The following ALS2 variants were observed in gnomAD, a reference collection of about 807,000 sequenced individuals.
The protein encoded by ALS2 is alsin Rho guanine nucleotide exchange factor ALS2.
Under a neutral mutation model 203.4 loss-of-function variants are expected in ALS2, and 117 were observed. The ratio of observed to expected loss-of-function variants is 0.58; its 90% CI spans 0.50 to 0.67. The LOEUF is 0.67. Ranked by LOEUF, ALS2 falls within the 30% of genes least tolerant of loss-of-function variation. The pLI is 0.00. For missense variants in ALS2, 1,715 were observed against 1,989.4 expected (o/e 0.86, Z 2.62); for synonymous variants, 718 against 725.9 (o/e 0.99, Z 0.17).
At chr2:201,730,505 T>C (rs1691488732) in intron 13 of ALS2, among the ~76,000 whole-genome samples, 1 of 152,242 alleles carries the variant, frequency 6.6e-6, no homozygotes, top group East Asian at 1.9e-4. Context: ...TGAGATTTTA[T>C]TATTGGCAAC....
intron 23 of ALS2, among the ~76,000 whole-genome samples, chr2:201,721,132 A>G (rs766443020): frequency 1.3e-4 from 20 of 152,242 alleles, no homozygotes; most frequent in Admixed American, 2.6e-4. Flanking sequence ...AGATGTGTAC[A>G]CTGAAACCTG....
chr2:201,766,763 T>TA (rs1334428873), intron 3 of ALS2, among the ~76,000 whole-genome samples: 1 of 137,004 alleles, frequency 7.3e-6, no homozygotes, highest in East Asian at 2.1e-4. Context: ...TATGCAGCCA[T>TA]AAAAAATGAT....
Position 201,727,078 on chromosome 2 carries a change from T to G in ALS2, c.2979+134A>C, listed in dbSNP as rs553610315. The G allele has an allele frequency of 1.5e-4, 148 of 975,122 alleles. 1 individual carries two copies. In the South Asian group the frequency reaches 2.0e-3, roughly 13 times the overall value. 60.4% of individuals were successfully genotyped at this position (975,122 alleles called of 1,614,324 possible). On this transcript the variant is annotated intron_variant, in intron 17 of 33. Transcript: ENST00000264276. ...AAAAACAATGAAGAACCTACAGTTT[T>G]GGGTTAATGAAGATTTATCAGACAG...
chr2:201,767,567 A>G lies in ALS2; in HGVS notation c.21-184T>C, dbSNP rs1322256196. Among the ~76,000 whole-genome samples, 7 of 152,198 alleles carry G rather than the reference A, an allele frequency of 4.6e-5. No individual in the cohort carries two copies. The East Asian group carries it at 7.7e-4, about 17-fold the overall frequency. Reference sequence around the variant, plus strand: ...GCCAAGGTAAAACAACTATTTATATAAAAGACTGAAGGATGTGGGGCGTGG... The same window carrying G: ...GCCAAGGTAAAACAACTATTTATATGAAAGACTGAAGGATGTGGGGCGTGG... On this transcript the variant is annotated intron_variant, in intron 2 of 33. Transcript: ENST00000264276.
intron 1 of ALS2, among the ~76,000 whole-genome samples, chr2:201,775,805 CG>C (rs2106117029): frequency 6.6e-6 from 1 of 152,264 alleles, no homozygotes; most frequent in African/African-American, 2.4e-5. Context: ...TGGATATATT[CG>C]GTAGGCTGGC....
At chr2:201,702,976 T>C (rs1689481816) in intron 33 of ALS2, among the ~76,000 whole-genome samples, 1 of 151,976 alleles carries the variant, frequency 6.6e-6, no homozygotes, top group African/African-American at 2.4e-5. Flanking sequence ...ATTAGCCAGG[T>C]GTGGTGGCAG....
At chr2:201,745,158 G>A (rs766194066) in intron 9 of ALS2, among the ~76,000 whole-genome samples, 5 of 152,230 alleles carry the variant, frequency 3.3e-5, no homozygotes, top group African/African-American at 7.2e-5. Context: ...CATGGGGAAT[G>A]TAAAGCCAGG....
At chr2:201,774,030 G>A (rs1430988116) in intron 1 of ALS2, among the ~76,000 whole-genome samples, 2 of 152,212 alleles carry the variant, frequency 1.3e-5, no homozygotes, top group African/African-American at 4.8e-5. Flanking sequence ...ATAAACAGGA[G>A]GTGACAATGT....
rs1191396223 is a variant in ALS2 at position 201,715,055 on chromosome 2, C to T, written c.4004+617G>A. ...CAATGGGGTTGGGGCTTGGCCTTCC[C>T]TTGAGCTAAGGAGCCACCAAAGGGG... On this transcript the variant is annotated intron_variant, in intron 25 of 33. Transcript: ENST00000264276. 2.0e-5 allele frequency among the ~76,000 whole-genome samples: 3 copies of T among 152,282 alleles called. No homozygotes were observed. The South Asian group carries it at 6.2e-4, about 32-fold the overall frequency.
At chr2:201,780,301 G>A (rs570494066) in intron 1 of ALS2, among the ~76,000 whole-genome samples, 3 of 152,294 alleles carry the variant, frequency 2.0e-5, no homozygotes, top group Admixed American at 2.0e-4. Context: ...TCCTCTTGAT[G>A]AATTACTTGA....
chr2:201,751,820 A>G (rs972087963), intron 7 of ALS2, among the ~76,000 whole-genome samples: 12 of 152,158 alleles, frequency 7.9e-5, no homozygotes, highest in African/African-American at 1.4e-4. Context: ...CAGAATTAGA[A>G]TATGTATAGC....
intron 26 of ALS2, among the ~76,000 whole-genome samples, chr2:201,710,261 T>C (rs1426873671): frequency 6.6e-6 from 1 of 152,068 alleles, no homozygotes; most frequent in East Asian, 1.9e-4. Flanking sequence ...CCTTAACATT[T>C]TGGGCAAATA....
intron 23 of ALS2, 85 bp downstream of exon 23, chr2:201,722,958 G>T (rs1410191246): frequency 3.6e-6 from 4 of 1,100,886 alleles, no homozygotes; most frequent in East Asian, 2.5e-5. Flanking sequence ...GAATTTTATG[G>T]CATGTAAATC....
chr2:201,704,974 C>T (rs1013511221), intron 31 of ALS2, among the ~76,000 whole-genome samples, 165 bp downstream of exon 31: 3 of 152,034 alleles, frequency 2.0e-5, no homozygotes, highest in African/African-American at 7.3e-5. Flanking sequence ...AAAAGATAAC[C>T]CAAGGGTCTC....
chr2:201,740,854 C>A (rs1408516726), intron 11 of ALS2, among the ~76,000 whole-genome samples: 1 of 152,070 alleles, frequency 6.6e-6, no homozygotes, highest in East Asian at 1.9e-4. Context: ...ATAATCAAAA[C>A]AAAACACCAA....
Position 201,725,496 on chromosome 2 carries a change from T to C in ALS2, c.3249-42A>G, listed in dbSNP as rs758008655. ...AAAATAACAAAAGAAGATGCATTTATGACATATTCACCTTTTGTATGTATA... is the reference window on the plus strand; with the variant it reads ...AAAATAACAAAAGAAGATGCATTTACGACATATTCACCTTTTGTATGTATA... On this transcript the variant is annotated intron_variant, in intron 19 of 33. Coordinates refer to ENST00000264276, the MANE Select transcript of ALS2 (RefSeq NM_020919.4). 4.7e-6 allele frequency: 7 copies of C among 1,485,464 alleles called. No homozygotes were observed. The East Asian group carries it at 1.6e-4, about 34-fold the overall frequency. The allele number at this position is 1,485,464 out of a possible 1,614,324, so 92.0% of individuals were successfully genotyped here.
At position 201,724,194 on chromosome 2, in the gene ALS2, A is replaced by C; in HGVS notation, c.3512+101T>G. 3 of 1,232,992 alleles carry C rather than the reference A, an allele frequency of 2.4e-6. No individual in the cohort carries two copies. In the Admixed American group the frequency reaches 5.4e-5, roughly 22 times the overall value. The allele number at this position is 1,232,992 out of a possible 1,614,324, so 76.4% of individuals were successfully genotyped here. A position where few individuals can be genotyped will look rare whatever the true frequency, so the allele number is the denominator to read the frequency against. On this transcript the variant is annotated intron_variant, in intron 21 of 33. Coordinates refer to ENST00000264276, the MANE Select transcript of ALS2 (RefSeq NM_020919.4). ...TACTCAAACTCAAAGAAATCTTACT[A>C]ATCTCCATGAAAAAGACAAAATAAG...
intron 12 of ALS2, 75 bp from the exon 13 acceptor site, chr2:201,733,513 C>G (rs1691701011): frequency 7.6e-7 from 1 of 1,314,296 alleles, no homozygotes; most frequent in Admixed American, 1.9e-5. Flanking sequence ...AAAAATTTCA[C>G]TAGAAAGTAC....
intron 29 of ALS2, 39 bp from the exon 30 acceptor site, chr2:201,705,500 C>A (rs972583719): frequency 7.1e-6 from 11 of 1,548,258 alleles, no homozygotes; most frequent in Non-Finnish European, 8.9e-6. Context: ...TAAGTTGTTA[C>A]TTATGGTAAA....
Sources: gnomAD v4.1 joint callset for allele counts (sites outside exome capture counted in the v4.1 genomes callset) on GRCh38, gnomAD v4.1.1 for gene constraint, MANE v1.5 for transcripts, NCBI Gene and HGNC (gene_info 2026-07-23, HGNC 2026-07-21) for gene names.